WDPCP: variants seen among roughly 807,000 people sequenced by gnomAD.
WDPCP encodes the protein WD repeat-containing and planar cell polarity effector protein fritz homolog.
In WDPCP, 71 loss-of-function variants were observed where a neutral mutation model predicts 93.1. That is an observed-to-expected ratio of 0.76 (90% CI 0.63 to 0.93). WDPCP has a LOEUF of 0.93. WDPCP is among the 40% of genes least tolerant of loss of function. The probability of loss-of-function intolerance (pLI) is 0.00; values close to 1 mark genes in which losing one functional copy is unlikely to be tolerated. For missense variants in WDPCP, 844 were observed against 887.4 expected (o/e 0.95, Z 0.62); for synonymous variants, 315 against 315.0 (o/e 1.00, Z 0.00).
chr2:63,605,744 T>C, intron 3 of WDPCP: 1 of 609,000 alleles, frequency 1.6e-6, no homozygotes, highest in Admixed American at 2.9e-5. Context: ...ACTTCACATA[T>C]GATATGGAAG....
intron 13 of WDPCP, among the ~76,000 whole-genome samples, chr2:63,266,725 G>T (rs1682152599): frequency 6.6e-6 from 1 of 152,114 alleles, no homozygotes; most frequent in South Asian, 2.1e-4. Flanking sequence ...AGAATCATTT[G>T]AACTCGGGGG....
At chr2:63,298,166 G>A (rs776751095) in intron 13 of WDPCP, among the ~76,000 whole-genome samples, 17 of 152,158 alleles carry the variant, frequency 1.1e-4, no homozygotes, top group African/African-American at 4.1e-4. Flanking sequence ...GGTAAGTAAG[G>A]CCAGCTGTGG....
the WDPCP span, among the ~76,000 whole-genome samples, chr2:63,834,240 A>G: frequency 3.3e-5 from 5 of 152,372 alleles, no homozygotes; most frequent in Admixed American, 1.3e-4. Flanking sequence ...AAATCCAGAC[A>G]GCAGTCTTCA....
intron 13 of WDPCP, among the ~76,000 whole-genome samples, chr2:63,272,333 A>G (rs1682729130): frequency 6.6e-6 from 1 of 152,204 alleles, no homozygotes; most frequent in Admixed American, 6.5e-5. Flanking sequence ...CACTATAGAT[A>G]CATATTTAGG....
chr2:63,293,630 TGGG>T (rs1684612807), intron 13 of WDPCP, among the ~76,000 whole-genome samples: 2 of 151,700 alleles, frequency 1.3e-5, no homozygotes, highest in African/African-American at 4.8e-5. Context: ...AAGGAAGATG[TGGG>T]GAAAGTCAAA....
intron 13 of WDPCP, among the ~76,000 whole-genome samples, chr2:63,268,271 T>A (rs13000175): frequency 0.1 from 15,525 of 152,084 alleles, 984 homozygotes; most frequent in South Asian, 0.17. Context: ...GGATTTTTTT[T>A]AAATTGATTT....
intron 9 of WDPCP, among the ~76,000 whole-genome samples, chr2:63,431,090 G>A (rs75581363): frequency 6.6e-6 from 1 of 152,102 alleles, no homozygotes; most frequent in Non-Finnish European, 1.5e-5. Context: ...GTTAAAACTC[G>A]CATTTGGTTC....
In WDPCP at chr2:63,534,329, A is replaced by G. The variant is rs1054605295; in HGVS notation, c.76-41389T>C. ...CTTCTGAAACTATTCCAATCAATAG[A>G]AAAAGAGGTAATCCTCCCTAACTCA... On this transcript the variant is annotated intron_variant, in intron 1 of 17. Transcript: ENST00000272321. Among the ~76,000 whole-genome samples, 7 of 152,016 alleles carry G rather than the reference A, an allele frequency of 4.6e-5. No individual in the cohort carries two copies. In the South Asian group the frequency reaches 1.5e-3, roughly 32 times the overall value.
At chr2:63,721,574 A>G (rs1209366258) in intron 2 of WDPCP, among the ~76,000 whole-genome samples, 2 of 152,134 alleles carry the variant, frequency 1.3e-5, no homozygotes. Context: ...CATAACCAGT[A>G]ACTTTCTCAT....
intron 2 of WDPCP, among the ~76,000 whole-genome samples, chr2:63,488,499 A>G (rs1700696927): frequency 6.6e-6 from 1 of 152,114 alleles, no homozygotes; most frequent in Non-Finnish European, 1.5e-5. Flanking sequence ...GTTTATGTCT[A>G]CTGGTTAGAC....
chr2:63,812,674 A>G (rs1296869665), intron 2 of WDPCP, among the ~76,000 whole-genome samples: 1 of 151,888 alleles, frequency 6.6e-6, no homozygotes, highest in Non-Finnish European at 1.5e-5. Context: ...TGTGCCTGTG[A>G]CTCCTGACCC....
chr2:63,275,138 ATG>A (rs1682982858), intron 13 of WDPCP, among the ~76,000 whole-genome samples: 1 of 152,246 alleles, frequency 6.6e-6, no homozygotes, highest in Non-Finnish European at 1.5e-5. Flanking sequence ...TATCCCAGGG[ATG>A]CAAGGATGCT....
intron 12 of WDPCP, among the ~76,000 whole-genome samples, chr2:63,357,765 CAG>C: frequency 6.6e-6 from 1 of 152,206 alleles, no homozygotes; most frequent in Non-Finnish European, 1.5e-5. Context: ...GGTATATACT[CAG>C]AGGAATATAA....
intron 12 of WDPCP, chr2:63,368,892 A>C (rs1393177645): frequency 6.5e-6 from 1 of 153,034 alleles, no homozygotes; most frequent in Non-Finnish European, 1.5e-5. Context: ...TGAGCTCTGC[A>C]GATGTTATAA....
At chr2:63,132,980 C>T (rs559959921) in intron 17 of WDPCP, among the ~76,000 whole-genome samples, 1 of 152,274 alleles carries the variant, frequency 6.6e-6, no homozygotes. Context: ...AAAAGAAAAA[C>T]AGCTACTTCT....
At chr2:63,179,964 G>GT (rs772815902) in intron 14 of WDPCP, among the ~76,000 whole-genome samples, 48 of 151,750 alleles carry the variant, frequency 3.2e-4, no homozygotes, top group South Asian at 6.3e-4. Context: ...AAAATAATGT[G>GT]TTTTTTTTGC....
At chr2:63,447,688 A>G (rs1252185053) in intron 6 of WDPCP, among the ~76,000 whole-genome samples, 1 of 152,192 alleles carries the variant, frequency 6.6e-6, no homozygotes, top group Non-Finnish European at 1.5e-5. Flanking sequence ...ATAATTGTAA[A>G]GTATGGTATA....
At chr2:63,586,522 G>C (rs1164248781) in intron 1 of WDPCP, among the ~76,000 whole-genome samples, 4 of 152,188 alleles carry the variant, frequency 2.6e-5, no homozygotes, top group Non-Finnish European at 5.9e-5. Context: ...AAAAGGAAGA[G>C]AACACAGACA....
chr2:63,736,926 T>C (rs1273531541), intron 2 of WDPCP, among the ~76,000 whole-genome samples: 1 of 152,128 alleles, frequency 6.6e-6, no homozygotes, highest in Non-Finnish European at 1.5e-5. Flanking sequence ...AGATGCAGCA[T>C]GTAATTTCTT....
Sources: allele counts gnomAD v4.1 joint callset (sites outside exome capture counted in the v4.1 genomes callset), GRCh38; gene constraint gnomAD v4.1.1; transcripts MANE v1.5; gene names NCBI Gene and HGNC (gene_info 2026-07-23, HGNC 2026-07-21).